Variants in NR6A1 observed in about 807,000 individuals in gnomAD.
The protein encoded by NR6A1 is retinoic acid receptor-related testis-associated receptor.
Under a neutral mutation model 59.1 loss-of-function variants are expected in NR6A1, and 7 were observed. The ratio of observed to expected loss-of-function variants is 0.12; its 90% confidence interval spans 0.07 to 0.22. NR6A1 has a LOEUF of 0.22. NR6A1 is among the 10% of genes least tolerant of loss of function. The pLI, the probability that NR6A1 is intolerant of heterozygous loss-of-function variation, is 1.00. For missense variants in NR6A1, 468 were observed against 611.6 expected (o/e 0.77, Z 2.48); for synonymous variants, 243 against 236.1 (o/e 1.03, Z -0.27).
intron 2 of NR6A1, among the ~76,000 whole-genome samples, chr9:124,687,407 T>C (rs1838372175): frequency 2.0e-5 from 3 of 152,054 alleles, no homozygotes; most frequent in African/African-American, 4.8e-5. Flanking sequence ...CCCAAAGTGC[T>C]GGCATTATAC....
intron 2 of NR6A1, among the ~76,000 whole-genome samples, chr9:124,643,107 G>GC (rs1240732438): frequency 1.6e-5 from 2 of 125,986 alleles, no homozygotes; most frequent in East Asian, 2.8e-4. Context: ...CGGGTGGGGG[G>GC]GGGGAACAAA....
At chr9:124,621,773 G>A (rs1836084612) in intron 2 of NR6A1, among the ~76,000 whole-genome samples, 1 of 152,154 alleles carries the variant, frequency 6.6e-6, no homozygotes, top group African/African-American at 2.4e-5. Flanking sequence ...ATTTTGTACA[G>A]AAAAACTGAA....
chr9:124,559,327 C>T lies in NR6A1; in HGVS notation c.143-4757G>A, dbSNP rs78754281. On this transcript the variant is annotated intron_variant, in intron 2 of 9. Transcript: ENST00000487099. ...AAGGTACTTCATTCCATTCATTCTA[C>T]TTTTAGACAGTTATAATGGTTCAAA... Among the ~76,000 whole-genome samples the T allele has an allele frequency of 1.2e-3, 187 of 152,292 alleles. 4 individuals carry two copies. In the East Asian group the frequency reaches 0.034, roughly 28 times the overall value.
At chr9:124,640,446 C>T (rs972886893) in intron 2 of NR6A1, among the ~76,000 whole-genome samples, 3 of 152,096 alleles carry the variant, frequency 2.0e-5, no homozygotes, top group African/African-American at 4.8e-5. Flanking sequence ...GTCACCCAGG[C>T]TAGAATGCAG....
At chr9:124,536,906 C>T (rs1833284232) in intron 6 of NR6A1, among the ~76,000 whole-genome samples, 1 of 152,136 alleles carries the variant, frequency 6.6e-6, no homozygotes, top group South Asian at 2.1e-4. Context: ...TCTCACTCCA[C>T]CCCCTGGTGG....
intron 2 of NR6A1, among the ~76,000 whole-genome samples, chr9:124,665,010 C>CAAAAAAAAAA (rs59451556): frequency 7.3e-5 from 1 of 13,744 alleles, no homozygotes; most frequent in African/African-American, 1.4e-4. Context: ...CTTGTATCTC[C>CAAAAAAAAAA]AAAAAAAAAA....
intron 2 of NR6A1, among the ~76,000 whole-genome samples, chr9:124,636,275 T>C (rs1437564517): frequency 6.6e-6 from 1 of 152,246 alleles, no homozygotes; most frequent in Non-Finnish European, 1.5e-5. Flanking sequence ...GTATGTTTTA[T>C]TGAGTTTTAA....
At chr9:124,667,460 C>T (rs528574194) in intron 2 of NR6A1, among the ~76,000 whole-genome samples, 1 of 152,128 alleles carries the variant, frequency 6.6e-6, no homozygotes, top group Admixed American at 6.5e-5. Flanking sequence ...CCAAGCAGAA[C>T]CATTAATGAA....
chr9:124,565,568 C>T (rs954322258), intron 2 of NR6A1, among the ~76,000 whole-genome samples: 3 of 152,234 alleles, frequency 2.0e-5, no homozygotes, highest in African/African-American at 7.2e-5. Context: ...TGGGAGAAGA[C>T]ACATGCAATA....
intron 2 of NR6A1, among the ~76,000 whole-genome samples, chr9:124,705,263 A>G (rs954717712): frequency 1.4e-4 from 21 of 152,140 alleles, no homozygotes; most frequent in Admixed American, 1.2e-3. Context: ...AATTATTGCT[A>G]ATTATTCTAT....
At position 124,518,797 on chromosome 9, in the gene NR6A1, C is replaced by T. The variant is rs1205717760; in HGVS notation, c.*3908G>A. Reference sequence around the variant, plus strand: ...ACTTTAAAAAAATCAATTAAAAATTCAAAGCTTAATAAAAGGGCTGGTCTG... The same window carrying T: ...ACTTTAAAAAAATCAATTAAAAATTTAAAGCTTAATAAAAGGGCTGGTCTG... On this transcript the variant is annotated 3_prime_UTR_variant, in exon 10 of 10. Transcript: ENST00000487099. 5.4e-5 allele frequency: 8 copies of T among 146,964 alleles called. No individual in the cohort carries two copies. Among genetic ancestry groups the T allele is most frequent in the African/African-American group, 1.8e-4 (7 of 39,702 alleles). The allele number at this position is 146,964 out of a possible 1,614,324, so 9.1% of individuals were successfully genotyped here. A position where few individuals can be genotyped will look rare whatever the true frequency, so the allele number is the denominator to read the frequency against.
At chr9:124,594,819 A>C (rs992741110) in intron 2 of NR6A1, among the ~76,000 whole-genome samples, 4 of 152,220 alleles carry the variant, frequency 2.6e-5, no homozygotes, top group African/African-American at 9.7e-5. Context: ...AGTGAGAATG[A>C]AACTGCAAAG....
chr9:124,735,001 T>C (rs1839983871), intron 1 of NR6A1, among the ~76,000 whole-genome samples: 1 of 152,154 alleles, frequency 6.6e-6, no homozygotes, highest in Non-Finnish European at 1.5e-5. Flanking sequence ...CCTGCCACCA[T>C]GCCCAGCTAA....
intron 7 of NR6A1, among the ~76,000 whole-genome samples, chr9:124,528,360 T>C (rs1222239951): frequency 6.6e-6 from 1 of 151,952 alleles, no homozygotes; most frequent in Non-Finnish European, 1.5e-5. Context: ...ATCAAAAATA[T>C]TTTTTTTACA....
intron 2 of NR6A1, among the ~76,000 whole-genome samples, chr9:124,621,421 T>C (rs969991101): frequency 6.6e-6 from 1 of 151,308 alleles, no homozygotes; most frequent in Non-Finnish European, 1.5e-5. Context: ...GAGGCCGAGA[T>C]GGATCACTTA....
chr9:124,539,255 A>C lies in NR6A1; in HGVS notation c.596+778T>G, dbSNP rs189758466. Among the ~76,000 whole-genome samples the C allele has an allele frequency of 5.4e-4, 82 of 152,232 alleles. No individual in the cohort carries two copies. The East Asian group carries it at 7.1e-3, about 13-fold the overall frequency. ...CAGCTTTTGCCTAAATGTATCTCCT[A>C]TAACTGGGGTTGGCAAACTTTGGCT... On this transcript the variant is annotated intron_variant, in intron 5 of 9. Transcript: ENST00000487099.
intron 2 of NR6A1, among the ~76,000 whole-genome samples, chr9:124,569,457 T>G (rs977490833): frequency 4.6e-5 from 7 of 152,250 alleles, no homozygotes; most frequent in Admixed American, 2.0e-4. Context: ...AACCTGCTTT[T>G]CAGACTGTGA....
At chr9:124,616,434 A>C (rs1236996429) in intron 2 of NR6A1, among the ~76,000 whole-genome samples, 3 of 151,196 alleles carry the variant, frequency 2.0e-5, no homozygotes, top group Admixed American at 1.3e-4. Flanking sequence ...AAAGAACTAG[A>C]ACTAATCACA....
intron 2 of NR6A1, among the ~76,000 whole-genome samples, chr9:124,728,892 T>G (rs557689327): frequency 6.6e-6 from 1 of 152,194 alleles, no homozygotes; most frequent in Non-Finnish European, 1.5e-5. Context: ...TTTCTTATAC[T>G]TACTCCACTT....
Sources: allele counts gnomAD v4.1 joint callset (sites outside exome capture counted in the v4.1 genomes callset), GRCh38; gene constraint gnomAD v4.1.1; transcripts MANE v1.5; gene names NCBI Gene and HGNC (gene_info 2026-07-23, HGNC 2026-07-21).